The following RAB14 variants were observed in gnomAD, a reference collection of about 807,000 sequenced individuals.
RAB14 encodes the protein RAB14, member RAS oncogene family.
Under a neutral mutation model 31.1 loss-of-function variants are expected in RAB14, and 3 were observed. The observed-to-expected ratio is 0.10, with a 90% CI of 0.04 to 0.25. RAB14 has a LOEUF of 0.25. RAB14 is among the 10% of genes least tolerant of loss of function. The probability of loss-of-function intolerance (pLI) is 1.00; values close to 1 mark genes in which losing one functional copy is unlikely to be tolerated. For synonymous variants in RAB14, 85 were observed against 84.9 expected (o/e 1.00, Z 0.00); for missense variants, 111 against 260.1 (o/e 0.43, Z 3.94).
intron 4 of RAB14, among the ~76,000 whole-genome samples, chr9:121,188,832 A>G (rs1479794664): frequency 6.6e-6 from 1 of 152,050 alleles, no homozygotes; most frequent in African/African-American, 2.4e-5. Flanking sequence ...CATAAAGCTT[A>G]TTCTTTTAAA....
At chr9:121,186,019 T>TA (rs1379796010) in intron 5 of RAB14, among the ~76,000 whole-genome samples, 3 of 152,158 alleles carry the variant, frequency 2.0e-5, no homozygotes, top group African/African-American at 4.8e-5. Flanking sequence ...AAGCTCATCT[T>TA]ACCACTGATA....
chr9:121,188,790 T>G (rs971037050), intron 4 of RAB14, among the ~76,000 whole-genome samples: 5 of 152,066 alleles, frequency 3.3e-5, no homozygotes, highest in African/African-American at 1.2e-4. Flanking sequence ...TCTTTTCCAG[T>G]AACAGTTTTT....
intron 4 of RAB14, among the ~76,000 whole-genome samples, chr9:121,189,509 G>C (rs957580034): frequency 1.3e-5 from 2 of 151,968 alleles, no homozygotes; most frequent in African/African-American, 4.8e-5. Flanking sequence ...TCCCTTTGAG[G>C]CCACCCAATT....
At chr9:121,196,043 GA>G (rs886492440) in intron 1 of RAB14, among the ~76,000 whole-genome samples, 1 of 151,858 alleles carries the variant, frequency 6.6e-6, no homozygotes, top group African/African-American at 2.4e-5. Context: ...CTTTGGAAGG[GA>G]AAAAATTCTT....
chr9:121,198,308 T>C (rs541631939), intron 1 of RAB14, among the ~76,000 whole-genome samples: 1 of 152,168 alleles, frequency 6.6e-6, no homozygotes, highest in Non-Finnish European at 1.5e-5. Context: ...CATTTACTGA[T>C]AATAAGAGGA....
intron 4 of RAB14, among the ~76,000 whole-genome samples, chr9:121,190,328 T>TCA (rs2053679852): frequency 6.6e-6 from 1 of 152,132 alleles, no homozygotes; most frequent in Non-Finnish European, 1.5e-5. Flanking sequence ...TCTATTAGCT[T>TCA]CACCCAATAA....
chr9:121,194,547 A>G (rs771454432), intron 1 of RAB14, among the ~76,000 whole-genome samples: 4 of 152,200 alleles, frequency 2.6e-5, no homozygotes, highest in Non-Finnish European at 5.9e-5. Context: ...AACTTTCAAT[A>G]AAGTTTATTC....
At chr9:121,198,867 AATCTAATAATC>A (rs2053733440) in intron 1 of RAB14, among the ~76,000 whole-genome samples, 3 of 152,164 alleles carry the variant, frequency 2.0e-5, no homozygotes, top group Admixed American at 2.0e-4. Flanking sequence ...TTCTGTAGTT[AATCTAATAATC>A]TAATCTAATA....
At position 121,187,423 on chromosome 9, in the gene RAB14, C is replaced by T. The variant is rs74644573; in HGVS notation, c.285-404G>A. 2.1e-3 allele frequency among the ~76,000 whole-genome samples: 317 copies of T among 152,184 alleles called. 11 individuals are homozygous for T. In the East Asian group the frequency reaches 0.057, roughly 27 times the overall value. ...TGTATCAAAATGCCTAAACATGACA[C>T]ATTTAATGGAAGACACTTTTGCTTG... On this transcript the variant is annotated intron_variant, in intron 4 of 7. Transcript: ENST00000373840.
chr9:121,200,352 C>A (rs2053754206), intron 1 of RAB14, among the ~76,000 whole-genome samples: 1 of 152,190 alleles, frequency 6.6e-6, no homozygotes, highest in South Asian at 2.1e-4. Context: ...ACAATATTTA[C>A]CTTAGAAAAA....
intron 7 of RAB14, among the ~76,000 whole-genome samples, chr9:121,182,329 T>G (rs576309337): frequency 6.6e-6 from 1 of 152,206 alleles, no homozygotes; most frequent in African/African-American, 2.4e-5. Context: ...GACATAATCA[T>G]GCTTAGCCAC....
intron 4 of RAB14, among the ~76,000 whole-genome samples, chr9:121,189,464 T>C (rs535388784): frequency 2.0e-4 from 31 of 152,226 alleles, no homozygotes; most frequent in African/African-American, 5.1e-4. Context: ...ATATCACAGA[T>C]TGCCTGGCTA....
chr9:121,188,381 G>A (rs988698666), intron 4 of RAB14, among the ~76,000 whole-genome samples: 5 of 151,790 alleles, frequency 3.3e-5, no homozygotes, highest in Non-Finnish European at 5.9e-5. Flanking sequence ...GAAGTACACA[G>A]AAAAGCCTAG....
intron 5 of RAB14, among the ~76,000 whole-genome samples, chr9:121,184,193 G>A (rs562115727): frequency 1.3e-5 from 2 of 152,298 alleles, no homozygotes; most frequent in East Asian, 3.9e-4. Context: ...ATAGTTAACA[G>A]TAACTGATAA....
In RAB14 at chr9:121,182,968, T is replaced by A. The variant is rs747247661; in HGVS notation, c.440-8A>T. 6.2e-7 allele frequency: 1 copy of A among 1,604,532 alleles called. No homozygotes were observed. Among genetic ancestry groups the A allele is most frequent in the Non-Finnish European group, 8.5e-7 (1 of 1,173,256 alleles). On this transcript the variant is annotated splice_region_variant and splice_polypyrimidine_tract_variant and intron_variant, in intron 6 of 7. Coordinates refer to ENST00000373840, the MANE Select transcript of RAB14 (RefSeq NM_016322.4). Reference sequence around the variant, plus strand: ...CTTCGAGGAACAATAAGCCTAAAAATAAAATTCAGACTATAATTAGGACAC... The same window carrying A: ...CTTCGAGGAACAATAAGCCTAAAAAAAAAATTCAGACTATAATTAGGACAC...
chr9:121,190,504 C>T, intron 4 of RAB14, 50 bp downstream of exon 4: 1 of 1,488,822 alleles, frequency 6.7e-7, no homozygotes, highest in Non-Finnish European at 9.0e-7. Context: ...TTTTAAATGC[C>T]CAAAGTAGAT....
intron 2 of RAB14, 32 bp downstream of exon 2, chr9:121,193,329 T>C: frequency 7.0e-7 from 1 of 1,429,098 alleles, no homozygotes; most frequent in Non-Finnish European, 9.8e-7. Flanking sequence ...AACCTTCTTT[T>C]GGGAACAAGA....
intron 4 of RAB14, among the ~76,000 whole-genome samples, chr9:121,189,204 T>C (rs2053673846): frequency 6.6e-6 from 1 of 152,136 alleles, no homozygotes; most frequent in Non-Finnish European, 1.5e-5. Context: ...AGTTGATGCA[T>C]GTTCTGGTTG....
chr9:121,199,283 T>C (rs2053736600), intron 1 of RAB14, among the ~76,000 whole-genome samples: 1 of 152,236 alleles, frequency 6.6e-6, no homozygotes, highest in South Asian at 2.1e-4. Flanking sequence ...CACTGGCTGA[T>C]AGGTATATGA....
Sources: allele counts gnomAD v4.1 joint callset (sites outside exome capture counted in the v4.1 genomes callset), GRCh38; gene constraint gnomAD v4.1.1; transcripts MANE v1.5; gene names NCBI Gene and HGNC (gene_info 2026-07-23, HGNC 2026-07-21).